Variants in NME9 observed in about 807,000 individuals in gnomAD.
NME9 encodes the protein thioredoxin domain-containing protein 6.
A neutral mutation model predicts 44.4 loss-of-function variants in NME9; 48 were observed. The ratio of observed to expected loss-of-function variants is 1.08; its 90% CI spans 0.86 to 1.37. The LOEUF (loss-of-function observed/expected upper bound fraction) is 1.37. Ranked by LOEUF, NME9 falls within the 40% of genes most tolerant of loss-of-function variation. The probability of loss-of-function intolerance (pLI) is 0.00; values close to 1 mark genes in which losing one functional copy is unlikely to be tolerated. For missense variants in NME9, 325 were observed against 405.2 expected, an observed-to-expected ratio of 0.80 and a Z score of 1.70; for synonymous variants, 139 against 147.1, an observed-to-expected ratio of 0.94 and a Z score of 0.40.
Position 138,329,567 on chromosome 3 carries a change from C to T in NME9, c.-232G>A. The stretch of plus-strand genomic sequence containing the variant: ...GCCTGCAGTCCACGGGCTCGTGGCT[C>T]GCCGGGCGGTTTTCTGGGGATCTGC... On this transcript the variant is annotated 5_prime_UTR_variant, in exon 1 of 11. Coordinates refer to ENST00000333911, the MANE Select transcript of NME9 (RefSeq NM_001349018.2). 1 of 1,312,158 alleles carries T rather than the reference C, an allele frequency of 7.6e-7. No homozygotes were observed. Among genetic ancestry groups the T allele is most frequent in the Non-Finnish European group, 9.7e-7 (1 of 1,032,906 alleles). 81.3% of individuals were successfully genotyped at this position (1,312,158 alleles called of 1,614,324 possible). A position where few individuals can be genotyped will look rare whatever the true frequency, so the allele number is the denominator to read the frequency against.
intron 8 of NME9, among the ~76,000 whole-genome samples, chr3:138,291,564 T>C (rs1208147267): frequency 2.0e-5 from 3 of 152,182 alleles, no homozygotes; most frequent in African/African-American, 4.8e-5. Context: ...GTATAGAAGA[T>C]AGATGATAAG....
intron 8 of NME9, among the ~76,000 whole-genome samples, chr3:138,269,815 T>C (rs959078974): frequency 1.4e-4 from 18 of 130,312 alleles, no homozygotes; most frequent in Non-Finnish European, 2.1e-4. Flanking sequence ...GGTTTTGTTT[T>C]CTTTCTTTTT....
intron 6 of NME9, among the ~76,000 whole-genome samples, chr3:138,313,259 C>T (rs1181344149): frequency 1.3e-5 from 2 of 152,034 alleles, no homozygotes; most frequent in Non-Finnish European, 2.9e-5. Context: ...GGTGTGGTGG[C>T]GGGTGCTTGT....
chr3:138,306,221 C>T, intron 7 of NME9, 125 bp from the exon 8 acceptor site: 3 of 835,150 alleles, frequency 3.6e-6, no homozygotes, highest in Non-Finnish European at 4.0e-6. Context: ...ACACTGATCC[C>T]CACATTATCT....
At chr3:138,278,294 G>A (rs1171120582) in intron 8 of NME9, among the ~76,000 whole-genome samples, 1 of 151,966 alleles carries the variant, frequency 6.6e-6, no homozygotes. Flanking sequence ...ATCACTTGAG[G>A]TCAGAAGTTC....
intron 2 of NME9, among the ~76,000 whole-genome samples, chr3:138,323,977 C>A (rs973224014): frequency 3.3e-5 from 5 of 152,262 alleles, no homozygotes; most frequent in African/African-American, 1.2e-4. Context: ...TTCTGATGAG[C>A]AGAGTATGGC....
Position 138,322,051 on chromosome 3 carries a change from G to A in NME9, c.92-2470C>T, listed in dbSNP as rs114369022. Among the ~76,000 whole-genome samples, 1,380 of 152,136 alleles carry A rather than the reference G, an allele frequency of 9.1e-3. 22 individuals are homozygous for A. The highest frequency in any genetic ancestry group is 0.032 in the African/African-American group (1,337 of 41,520). On this transcript the variant is annotated intron_variant, in intron 2 of 10. Coordinates refer to ENST00000333911, the MANE Select transcript of NME9 (RefSeq NM_001349018.2). ...GTTCTGGGCTTTTCTGAAGACAAGA[G>A]TTTCACAATTGACAGATTTTGTTTT...
chr3:138,300,831 G>A (rs181543322), downstream of NME9, among the ~76,000 whole-genome samples: 1 of 152,324 alleles, frequency 6.6e-6, no homozygotes, highest in African/African-American at 2.4e-5. Context: ...TGCAGATGGG[G>A]AAATCTGGCA....
rs1460783949 is a variant in NME9 at position 138,319,508 on chromosome 3, C to G, written c.165G>C (p.Glu55Asp). The change falls in exon 3 of 11, where the codon GAG becomes GAC. Residue 55 changes from glutamate (E) to aspartate (D), a missense_variant. Glu to Asp is a conservative substitution (Grantham distance 45). Coordinates refer to ENST00000333911, the MANE Select transcript of NME9 (RefSeq NM_001349018.2). Reference protein sequence around the residue: ...VVSLFQKMRIEVGLDLLHFAL... With the variant: ...VVSLFQKMRIDVGLDLLHFAL... ...CAAAGTGCAGAAGGTCCAGGCCGAC[C>G]TCGATCCTCATCTTCTGGAAGAGGC... 9 of 1,612,704 alleles carry G rather than the reference C, an allele frequency of 5.6e-6. No homozygotes were observed. The highest frequency in any genetic ancestry group is 7.6e-6 in the Non-Finnish European group (9 of 1,178,692).
chr3:138,315,324 G>A (rs1209244000), intron 5 of NME9, among the ~76,000 whole-genome samples: 1 of 152,216 alleles, frequency 6.6e-6, no homozygotes, highest in Non-Finnish European at 1.5e-5. Context: ...CACTCTGGAT[G>A]AAAGAGATGG....
chr3:138,276,599 G>T (rs1029131056), intron 8 of NME9, among the ~76,000 whole-genome samples: 1 of 152,192 alleles, frequency 6.6e-6, no homozygotes, highest in Non-Finnish European at 1.5e-5. Flanking sequence ...TCACAAGATA[G>T]AAAAGGCAGT....
intron 8 of NME9, among the ~76,000 whole-genome samples, chr3:138,284,818 G>A (rs1181242696): frequency 6.6e-6 from 1 of 152,098 alleles, no homozygotes. Context: ...TTCTCTCAGT[G>A]GCCTCCAGTC....
rs1461659179 is a variant in NME9 at position 138,315,546 on chromosome 3, T to C, written c.365A>G (p.Glu122Gly). 2 of 1,536,482 alleles carry C rather than the reference T, an allele frequency of 1.3e-6. No homozygotes were observed. The highest frequency in any genetic ancestry group is 3.9e-5 in the Admixed American group (2 of 51,002). ...QLEAEKKVLA[E>G]GRERKVIKDE... The stretch of plus-strand genomic sequence containing the variant: ...AGTTACCACTTTCCGTTCTCTGCCT[T>C]CAGCCAGCACTTTCTTTTCGGCCTC... Residue 122 changes from glutamate to glycine, a missense_variant, in exon 5 of 11, where the codon GAA becomes GGA. Glu to Gly is a moderately conservative substitution (Grantham distance 98). Coordinates refer to ENST00000333911, the MANE Select transcript of NME9 (RefSeq NM_001349018.2).
At chr3:138,267,245 A>C in intron 8 of NME9, 2 of 1,535,536 alleles carry the variant, frequency 1.3e-6, no homozygotes, top group Non-Finnish European at 1.8e-6. Context: ...CAAAGAGGTT[A>C]GTATTGATTT....
chr3:138,264,412 CTTTTTT>C (rs11298899), intron 8 of NME9, among the ~76,000 whole-genome samples: 1 of 48,630 alleles, frequency 2.1e-5, no homozygotes, highest in Non-Finnish European at 3.7e-5. Flanking sequence ...GATTTTCTTT[CTTTTTT>C]TTTTTTTTTT....
intron 2 of NME9, among the ~76,000 whole-genome samples, chr3:138,321,497 G>A (rs2053461600): frequency 6.6e-6 from 1 of 152,172 alleles, no homozygotes; most frequent in African/African-American, 2.4e-5. Flanking sequence ...CCATTACTTT[G>A]GCCATTCAGT....
At chr3:138,315,753 G>A (rs2108450028) in intron 4 of NME9, 110 bp from the exon 5 acceptor site, 1 of 814,540 alleles carries the variant, frequency 1.2e-6, no homozygotes, top group Non-Finnish European at 2.0e-6. Context: ...CTCAACCCCA[G>A]GCCTGTAGCA....
At chr3:138,286,551 T>C (rs1250729368) in intron 8 of NME9, among the ~76,000 whole-genome samples, 1 of 152,168 alleles carries the variant, frequency 6.6e-6, no homozygotes, top group Non-Finnish European at 1.5e-5. Flanking sequence ...CTACACGTGC[T>C]CTCCTGAGAT....
intron 8 of NME9, among the ~76,000 whole-genome samples, chr3:138,280,971 A>G (rs1340704433): frequency 6.6e-6 from 1 of 152,092 alleles, no homozygotes; most frequent in Non-Finnish European, 1.5e-5. Flanking sequence ...TTTAAGAGGC[A>G]AGGTATATAT....
Sources: allele counts gnomAD v4.1 joint callset (sites outside exome capture counted in the v4.1 genomes callset), GRCh38; gene constraint gnomAD v4.1.1; transcripts MANE v1.5; gene names NCBI Gene and HGNC (gene_info 2026-07-23, HGNC 2026-07-21).